ROBO1: variants seen among roughly 807,000 people sequenced by gnomAD.
ROBO1 encodes roundabout guidance receptor 1, also known as roundabout homolog 1.
Under a neutral mutation model 195.9 loss-of-function variants are expected in ROBO1, and 149 were observed. The ratio of observed to expected loss-of-function variants is 0.76; its 90% CI spans 0.67 to 0.87. The LOEUF (loss-of-function observed/expected upper bound fraction) is 0.87. Among genes scored for constraint, ROBO1 ranks in the 40% least tolerant of loss-of-function variants. The pLI, the probability that ROBO1 is intolerant of heterozygous loss-of-function variation, is 0.00. For missense variants in ROBO1, 1,933 were observed against 2,068.3 expected (o/e 0.93, Z 1.27); for synonymous variants, 816 against 733.2 (o/e 1.11, Z -1.82).
intron 2 of ROBO1, among the ~76,000 whole-genome samples, chr3:79,278,291 C>T (rs2031222965): frequency 6.6e-6 from 1 of 152,074 alleles, no homozygotes; most frequent in African/African-American, 2.4e-5. Flanking sequence ...TAATGGCATT[C>T]TTCACATACA....
chr3:79,598,744 C>G (rs72631225), intron 1 of ROBO1, among the ~76,000 whole-genome samples: 9,479 of 152,000 alleles, frequency 0.062, 390 homozygotes, highest in East Asian at 0.15. Context: ...CTTAGATCCC[C>G]CTACTACAAC....
At chr3:78,771,066 C>G (rs1388478224) in intron 4 of ROBO1, among the ~76,000 whole-genome samples, 1 of 143,040 alleles carries the variant, frequency 7.0e-6, no homozygotes, top group Admixed American at 6.9e-5. Context: ...GACCCCATAT[C>G]AAAAAAAAAA....
intron 2 of ROBO1, among the ~76,000 whole-genome samples, chr3:79,373,642 T>C (rs926244495): frequency 6.6e-6 from 1 of 152,214 alleles, no homozygotes; most frequent in Admixed American, 6.5e-5. Flanking sequence ...TATCTGATCT[T>C]TAGTATTTGT....
chr3:78,661,934 C>A, intron 15 of ROBO1, 59 bp downstream of exon 15: 5 of 1,551,726 alleles, frequency 3.2e-6, no homozygotes, highest in Admixed American at 1.8e-5. Flanking sequence ...ATTTTATATG[C>A]ATTGCAATGA....
intron 1 of ROBO1, among the ~76,000 whole-genome samples, chr3:79,596,888 A>C (rs1271538672): frequency 6.6e-6 from 1 of 152,032 alleles, no homozygotes; most frequent in African/African-American, 2.4e-5. Flanking sequence ...CAGATAAAGG[A>C]AACCATGTAG....
chr3:78,800,015 G>T (rs1332176041), intron 4 of ROBO1, among the ~76,000 whole-genome samples: 1 of 152,140 alleles, frequency 6.6e-6, no homozygotes, highest in South Asian at 2.1e-4. Context: ...AGGGCCTCAT[G>T]ACACATTGTA....
intron 1 of ROBO1, among the ~76,000 whole-genome samples, chr3:79,716,612 AT>A (rs1264131689): frequency 3.3e-5 from 5 of 152,010 alleles, no homozygotes; most frequent in Non-Finnish European, 2.9e-5. Flanking sequence ...TAGAAAAAAA[AT>A]AATCATTCTG....
At chr3:78,914,965 C>T (rs2038468189) in intron 4 of ROBO1, among the ~76,000 whole-genome samples, 2 of 151,728 alleles carry the variant, frequency 1.3e-5, no homozygotes, top group Non-Finnish European at 2.9e-5. Context: ...TGCCTGCTCC[C>T]TTTTTGCATT....
At chr3:79,192,779 A>T (rs1229186344) in intron 2 of ROBO1, among the ~76,000 whole-genome samples, 3 of 151,664 alleles carry the variant, frequency 2.0e-5, no homozygotes, top group African/African-American at 7.3e-5. Flanking sequence ...TTTACTTAAG[A>T]GGAATAGAGA....
At chr3:78,665,508 G>A (rs1707679881) in intron 14 of ROBO1, among the ~76,000 whole-genome samples, 1 of 152,060 alleles carries the variant, frequency 6.6e-6, no homozygotes, top group Non-Finnish European at 1.5e-5. Flanking sequence ...AATCTGTTGA[G>A]TTATATTTAA....
Position 78,617,688 on chromosome 3 carries a change from G to A in ROBO1, c.4229C>T (p.Ala1410Val), listed in dbSNP as rs771914948. ...TACTTTCAGACCAGCATACTCTGCC[G>A]CTGCTGCGACTGCCTGGGCAAAGTC... is the stretch of plus-strand genomic sequence containing the variant. ...DADFAQAVAA[A>V]AEYAGLKVAR... Residue 1410 changes from alanine to valine, a missense_variant, in exon 27 of 31, where the codon GCG becomes GTG. Ala to Val is a moderately conservative substitution (Grantham distance 64). This residue lies in a region of ROBO1 where 1,737 missense variants were observed against 1,882.5 expected (regional missense o/e 0.92). Transcript: ENST00000464233. 3.6e-5 allele frequency: 58 copies of A among 1,613,826 alleles called. No homozygotes were observed. The East Asian group carries it at 1.1e-3, about 32-fold the overall frequency.
intron 4 of ROBO1, among the ~76,000 whole-genome samples, chr3:78,747,650 A>T (rs1373852540): frequency 6.6e-6 from 1 of 152,182 alleles, no homozygotes; most frequent in Non-Finnish European, 1.5e-5. Flanking sequence ...ATTAATTCTA[A>T]TTGTACTACT....
chr3:78,973,137 C>T (rs901402554), intron 3 of ROBO1, among the ~76,000 whole-genome samples: 5 of 151,980 alleles, frequency 3.3e-5, no homozygotes, highest in Non-Finnish European at 5.9e-5. Flanking sequence ...GTTGTTACTC[C>T]GTGAGTTTCT....
intron 4 of ROBO1, among the ~76,000 whole-genome samples, chr3:78,869,976 C>T (rs9851483): frequency 0.03 from 4,535 of 152,152 alleles, 222 homozygotes; most frequent in African/African-American, 0.1. Context: ...ACTTGGATTG[C>T]ATTTTATAAT....
intron 3 of ROBO1, among the ~76,000 whole-genome samples, chr3:79,014,059 GAA>G (rs1465225047): frequency 4.6e-5 from 7 of 152,108 alleles, no homozygotes; most frequent in Admixed American, 4.6e-4. Context: ...ATTGATTCAT[GAA>G]AGAGTTAAAC....
At chr3:79,154,227 C>A (rs1437839677) in intron 2 of ROBO1, among the ~76,000 whole-genome samples, 1 of 151,620 alleles carries the variant, frequency 6.6e-6, no homozygotes. Context: ...AAATGACAAG[C>A]CCAAGATTAC....
intron 2 of ROBO1, among the ~76,000 whole-genome samples, chr3:79,232,260 A>T (rs116759657): frequency 0.58 from 85,011 of 147,316 alleles, 26,009 homozygotes; most frequent in African/African-American, 0.8. Context: ...AAAAAAAAAA[A>T]ATATATATAT....
At chr3:79,682,870 T>C (rs1946990161) in intron 1 of ROBO1, among the ~76,000 whole-genome samples, 1 of 152,148 alleles carries the variant, frequency 6.6e-6, no homozygotes, top group South Asian at 2.1e-4. Flanking sequence ...AACCAAGTCA[T>C]CTAAGTTCAG....
chr3:79,557,756 A>ATTTTTTTTTT (rs1942761848), intron 2 of ROBO1, among the ~76,000 whole-genome samples: 4 of 145,864 alleles, frequency 2.7e-5, no homozygotes, highest in African/African-American at 1.0e-4. Flanking sequence ...ATATATATAT[A>ATTTTTTTTTT]TATATATATT....
Sources: allele counts gnomAD v4.1 joint callset (sites outside exome capture counted in the v4.1 genomes callset), GRCh38; gene constraint gnomAD v4.1.1; regional missense constraint gnomAD v4.1.1; transcripts MANE v1.5; gene names NCBI Gene and HGNC (gene_info 2026-07-23, HGNC 2026-07-21).